ASPH: variants seen among roughly 807,000 people sequenced by gnomAD.
The protein encoded by ASPH is aspartate beta-hydroxylase, also known as aspartyl/asparaginyl beta-hydroxylase.
ASPH carries 100 observed loss-of-function variants against 118.4 expected under a neutral mutation model. The ratio of observed to expected loss-of-function variants is 0.84; its 90% CI spans 0.72 to 1.00. The LOEUF (loss-of-function observed/expected upper bound fraction) is 1.00. ASPH is among the 50% of genes least tolerant of loss of function. The pLI, the probability that ASPH is intolerant of heterozygous loss-of-function variation, is 0.00. For missense variants in ASPH, 920 were observed against 919.5 expected (o/e 1.00, Z -0.01); for synonymous variants, 315 against 325.6 (o/e 0.97, Z 0.35).
chr8:61,633,128 T>C lies in ASPH; in HGVS notation c.934+555A>G, dbSNP rs568057951. 88 of 155,056 alleles carry C rather than the reference T, an allele frequency of 5.7e-4. No individual in the cohort carries two copies. The South Asian group carries it at 0.017, about 30-fold the overall frequency. The allele number at this position is 155,056 out of a possible 1,614,324, so 9.6% of individuals were successfully genotyped here. A position where few individuals can be genotyped will look rare whatever the true frequency, so the allele number is the denominator to read the frequency against. ...GGAAATGCTGTTACCATTCTTTATA[T>C]TAACTGGTGACAAGAGGGCTCAGGT... On this transcript the variant is annotated intron_variant, in intron 13 of 24. Coordinates refer to ENST00000379454, the MANE Select transcript of ASPH (RefSeq NM_004318.4).
chr8:61,619,236 A>G (rs1336254563), intron 13 of ASPH, among the ~76,000 whole-genome samples: 1 of 152,190 alleles, frequency 6.6e-6, no homozygotes, highest in Non-Finnish European at 1.5e-5. Flanking sequence ...ACTAAAAGTC[A>G]CCAAGCACTG....
At chr8:61,713,679 C>T (rs892853661) in intron 1 of ASPH, among the ~76,000 whole-genome samples, 6 of 152,328 alleles carry the variant, frequency 3.9e-5, no homozygotes, top group South Asian at 4.1e-4. Context: ...GACGCTCGTT[C>T]AGTATTTCAT....
chr8:61,633,894 T>C (rs947027450), intron 12 of ASPH, among the ~76,000 whole-genome samples, 167 bp from the exon 13 acceptor site: 1 of 152,188 alleles, frequency 6.6e-6, no homozygotes, highest in African/African-American at 2.4e-5. Flanking sequence ...CAAAGAATGA[T>C]CAGCTACAAC....
chr8:61,500,691 C>T lies in ASPH; in HGVS notation c.*2668G>A, dbSNP rs1804699564. The T allele has an allele frequency of 2.0e-5, 3 of 152,166 alleles. No individual in the cohort carries two copies. The highest frequency in any genetic ancestry group is 1.3e-4 in the Admixed American group (2 of 15,276). 9.4% of individuals were successfully genotyped at this position (152,166 alleles called of 1,614,324 possible). A position where few individuals can be genotyped will look rare whatever the true frequency, so the allele number is the denominator to read the frequency against. ...TTACTTGTGCCATGTTTTCCAAGAC[C>T]AGTGCATATTTTTAGACATCTCTTA... is the stretch of plus-strand genomic sequence containing the variant. On this transcript the variant is annotated 3_prime_UTR_variant, in exon 25 of 25. Coordinates refer to ENST00000379454, the MANE Select transcript of ASPH (RefSeq NM_004318.4).
At chr8:61,651,322 T>C (rs1328710566) in intron 4 of ASPH, 198 bp from the exon 5 acceptor site, 2 of 439,310 alleles carry the variant, frequency 4.6e-6, no homozygotes, top group East Asian at 3.5e-5. Flanking sequence ...TGTTTTATTC[T>C]GTCAACAGAC....
At chr8:61,689,828 G>C (rs1275857559) in intron 1 of ASPH, 1 of 1,420,230 alleles carries the variant, frequency 7.0e-7, no homozygotes, top group African/African-American at 1.5e-5. Flanking sequence ...TCCCTGCACT[G>C]TAAGGGCCTC....
At position 61,567,175 on chromosome 8, in the gene ASPH, T is replaced by C; in HGVS notation, c.1293A>G (p.Gln431=). ...CCTTTGATTGCATCTTACCTAGAAA[T>C]TGTTGCCTGTCTGAGCGACGCTTCA... ...LSLKRRSDRQ[Q]FLGHMRGSLL... The change falls in exon 17 of 25, where the codon CAA becomes CAG. Residue 431 remains glutamine (Q), a synonymous_variant. Coordinates refer to ENST00000379454, the MANE Select transcript of ASPH (RefSeq NM_004318.4). The C allele has an allele frequency of 6.2e-7, 1 of 1,613,506 alleles. No individual in the cohort carries two copies.
At chr8:61,611,150 A>G (rs1847212562) in intron 14 of ASPH, among the ~76,000 whole-genome samples, 1 of 152,196 alleles carries the variant, frequency 6.6e-6, no homozygotes, top group African/African-American at 2.4e-5. Context: ...GCTAGCAGAA[A>G]TTTGAGGGCG....
In ASPH at chr8:61,617,841, G is replaced by C. The variant is rs10100762; in HGVS notation, c.976+1137C>G. On this transcript the variant is annotated intron_variant, in intron 14 of 24. Coordinates refer to ENST00000379454, the MANE Select transcript of ASPH (RefSeq NM_004318.4). ...CCAGCTACTCGGGAGGCTGAGGCAGGAGAATTGCTTGAACCAGGGAGGAGG... is the reference window on the plus strand; with the variant it reads ...CCAGCTACTCGGGAGGCTGAGGCAGCAGAATTGCTTGAACCAGGGAGGAGG... 6.4e-3 allele frequency among the ~76,000 whole-genome samples: 955 copies of C among 149,736 alleles called. 12 individuals are homozygous for C. The highest frequency in any genetic ancestry group is 0.022 in the African/African-American group (898 of 40,690).
chr8:61,714,457 G>T lies in ASPH; in HGVS notation c.-86C>A, dbSNP rs1008751613. ...ACGCGACGCGGGAACCGCTGGCGGCGGCGGGCCGCTGGAGCGGGTTCGGGC... is the reference window on the plus strand; with the variant it reads ...ACGCGACGCGGGAACCGCTGGCGGCTGCGGGCCGCTGGAGCGGGTTCGGGC... On this transcript the variant is annotated 5_prime_UTR_variant, in exon 1 of 25. Transcript: ENST00000379454. 2.2e-6 allele frequency: 3 copies of T among 1,363,224 alleles called. No homozygotes were observed. Among genetic ancestry groups the T allele is most frequent in the Admixed American group, 3.6e-5 (1 of 27,596 alleles). 84.4% of individuals were successfully genotyped at this position (1,363,224 alleles called of 1,614,324 possible).
chr8:61,505,848 T>C (rs972227903), intron 24 of ASPH, among the ~76,000 whole-genome samples: 2 of 152,092 alleles, frequency 1.3e-5, no homozygotes, highest in African/African-American at 2.4e-5. Context: ...GGCGGGGAAA[T>C]ACGCTGACAA....
intron 3 of ASPH, chr8:61,675,985 C>T (rs1825112932): frequency 6.4e-7 from 1 of 1,554,606 alleles, no homozygotes; most frequent in East Asian, 2.2e-5. Context: ...CCCCACTGCA[C>T]ATTAAGCCCT....
chr8:61,505,292 G>A (rs909070352), intron 24 of ASPH, among the ~76,000 whole-genome samples: 4 of 152,062 alleles, frequency 2.6e-5, no homozygotes, highest in East Asian at 1.9e-4. Flanking sequence ...TCAGGGGTTC[G>A]AGGCCAGCCT....
rs188654976 is a variant in ASPH, at chr8:61,653,164, C to T, written c.415+404G>A. Among the ~76,000 whole-genome samples, 183 of 152,178 alleles carry T rather than the reference C, an allele frequency of 1.2e-3. 1 individual carries two copies. The highest frequency in any genetic ancestry group is 5.8e-3 in the South Asian group (28 of 4,826). The stretch of plus-strand genomic sequence containing the variant: ...GAAGTCTTTTAAAATAAACGAGACC[C>T]TCATGTAAAAAAGACTGAGAAACCA... On this transcript the variant is annotated intron_variant, in intron 4 of 24. Transcript: ENST00000379454.
intron 13 of ASPH, among the ~76,000 whole-genome samples, chr8:61,623,488 T>G (rs1851674162): frequency 6.6e-6 from 1 of 152,228 alleles, no homozygotes; most frequent in African/African-American, 2.4e-5. Context: ...TGATGTATTC[T>G]GTGGGTTATC....
At chr8:61,507,469 T>A (rs1027457728) in intron 24 of ASPH, among the ~76,000 whole-genome samples, 3 of 152,224 alleles carry the variant, frequency 2.0e-5, no homozygotes, top group Admixed American at 6.5e-5. Flanking sequence ...GTAGATTTTT[T>A]AATGTAGATT....
intron 14 of ASPH, among the ~76,000 whole-genome samples, chr8:61,609,993 C>T (rs1445921328): frequency 6.6e-6 from 1 of 152,128 alleles, no homozygotes; most frequent in Non-Finnish European, 1.5e-5. Context: ...TGTTCATAAA[C>T]AATGAAGTGC....
rs1394549214 is a variant in ASPH at position 61,500,915 on chromosome 8, A to ATTAT, written c.*2440_*2443dup. 6.6e-6 allele frequency: 1 copy of ATTAT among 152,214 alleles called. No homozygotes were observed. Among genetic ancestry groups the ATTAT allele is most frequent in the Non-Finnish European group, 1.5e-5 (1 of 68,030 alleles). The allele number at this position is 152,214 out of a possible 1,614,324, so 9.4% of individuals were successfully genotyped here. On this transcript the variant is annotated 3_prime_UTR_variant, in exon 25 of 25. Coordinates refer to ENST00000379454, the MANE Select transcript of ASPH (RefSeq NM_004318.4). The stretch of plus-strand genomic sequence containing the variant: ...ACTGGTCATAATCACCCCTGATAAT[A>ATTAT]TTATTACTAATCTTAATTATTTATT...
intron 13 of ASPH, chr8:61,625,176 A>G (rs999744445): frequency 2.5e-5 from 25 of 985,608 alleles, no homozygotes; most frequent in Non-Finnish European, 2.8e-5. Context: ...TTTCTGACAA[A>G]GGATTATTTT....
Sources: gnomAD v4.1 joint callset for allele counts (sites outside exome capture counted in the v4.1 genomes callset) on GRCh38, gnomAD v4.1.1 for gene constraint, MANE v1.5 for transcripts, NCBI Gene and HGNC (gene_info 2026-07-23, HGNC 2026-07-21) for gene names.